Variants in GALK2 observed in about 807,000 individuals in gnomAD.
The protein encoded by GALK2 is N-acetylgalactosamine kinase.
A neutral mutation model predicts 52.4 loss-of-function variants in GALK2; 36 were observed. The observed-to-expected ratio is 0.69, with a 90% CI of 0.53 to 0.91. The LOEUF (loss-of-function observed/expected upper bound fraction) is 0.91, where lower values mean the gene tolerates loss of function less well. GALK2 is among the 40% of genes least tolerant of loss of function. The pLI is 0.00. For synonymous variants in GALK2, 176 were observed against 199.1 expected (o/e 0.88, Z 0.98); for missense variants, 579 against 559.1 (o/e 1.04, Z -0.36).
intron 5 of GALK2, among the ~76,000 whole-genome samples, chr15:49,258,438 T>A (rs1566985919): frequency 6.6e-6 from 1 of 152,066 alleles, no homozygotes; most frequent in East Asian, 1.9e-4. Context: ...GAATGGTGGA[T>A]ATAAAGATCC....
At position 49,300,692 on chromosome 15, in the gene GALK2, G is replaced by A. The variant is rs187209435; in HGVS notation, c.967+8155G>A. Among the ~76,000 whole-genome samples, 965 of 152,152 alleles carry A rather than the reference G, an allele frequency of 6.3e-3. 14 individuals carry two copies. Among genetic ancestry groups the A allele is most frequent in the African/African-American group, 0.022 (910 of 41,508 alleles). ...TGAGTGAGTTCTCTTGAGAACTGAT[G>A]GTTTTATAAGGGGCTTTTCCAACCT... On this transcript the variant is annotated intron_variant, in intron 8 of 9. Coordinates refer to ENST00000560031, the MANE Select transcript of GALK2 (RefSeq NM_002044.4).
chr15:49,286,556 T>C (rs968989501), intron 7 of GALK2, among the ~76,000 whole-genome samples: 3 of 152,194 alleles, frequency 2.0e-5, no homozygotes, highest in African/African-American at 7.2e-5. Context: ...TTGGGGGGCA[T>C]ACATTTTTTG....
chr15:49,283,287 T>C (rs76169125), intron 6 of GALK2, among the ~76,000 whole-genome samples: 3,852 of 152,292 alleles, frequency 0.025, 90 homozygotes, highest in African/African-American at 0.051. Flanking sequence ...CCATATAGCA[T>C]CTGTGCTTTG....
At chr15:49,335,499 G>A (rs117364220), downstream of GALK2, 46 of 1,609,478 alleles carry the variant, frequency 2.9e-5, no homozygotes, top group African/African-American at 4.0e-5. Context: ...CAGGTAGTGT[G>A]CTAGGCTTAT....
chr15:49,180,897 A>G (rs1008579239), intron 1 of GALK2, among the ~76,000 whole-genome samples: 5 of 152,064 alleles, frequency 3.3e-5, no homozygotes, highest in Admixed American at 2.6e-4. Flanking sequence ...ATATTCTGTC[A>G]TAGCAGGGAC....
At chr15:49,245,781 C>T (rs763486503) in intron 5 of GALK2, among the ~76,000 whole-genome samples, 1 of 152,096 alleles carries the variant, frequency 6.6e-6, no homozygotes, top group Non-Finnish European at 1.5e-5. Context: ...AACTCAAAAC[C>T]TCTAACTAAT....
At chr15:49,351,161 A>G (rs753368433) in intron 3 of GALK2, among the ~76,000 whole-genome samples, 1 of 152,202 alleles carries the variant, frequency 6.6e-6, no homozygotes, top group Non-Finnish European at 1.5e-5. Flanking sequence ...GAATTCAGGT[A>G]GTAGAGAAAT....
chr15:49,297,842 G>A (rs552304465), intron 8 of GALK2, among the ~76,000 whole-genome samples: 14 of 152,286 alleles, frequency 9.2e-5, no homozygotes, highest in African/African-American at 3.1e-4. Flanking sequence ...ATAGTTTAAA[G>A]TTGGGTGGTA....
At chr15:49,324,524 C>A (rs561624586) in intron 9 of GALK2, among the ~76,000 whole-genome samples, 6 of 152,044 alleles carry the variant, frequency 3.9e-5, no homozygotes, top group South Asian at 2.1e-4. Flanking sequence ...TCTTCAATGG[C>A]CTTTAAGTGG....
intron 3 of GALK2, chr15:49,225,254 A>G (rs1251276974): frequency 2.2e-6 from 1 of 455,976 alleles, no homozygotes; most frequent in Non-Finnish European, 4.4e-6. Flanking sequence ...ACCTGCAGAT[A>G]GGCCACACCA....
At chr15:49,351,148 T>C (rs2042189115) in intron 3 of GALK2, among the ~76,000 whole-genome samples, 1 of 152,300 alleles carries the variant, frequency 6.6e-6, no homozygotes, top group South Asian at 2.1e-4. Context: ...TTTGCACTTA[T>C]TTGAATTCAG....
At chr15:49,260,463 T>C (rs1376121204) in intron 5 of GALK2, among the ~76,000 whole-genome samples, 1 of 147,684 alleles carries the variant, frequency 6.8e-6, no homozygotes, top group Non-Finnish European at 1.5e-5. Context: ...ATTCTGGATA[T>C]TAGCCCTTTG....
chr15:49,185,782 G>A (rs903890842), intron 1 of GALK2: 2 of 152,176 alleles, frequency 1.3e-5, no homozygotes, highest in Non-Finnish European at 2.9e-5. Context: ...AGCGTTTCTT[G>A]TAGGATATGT....
chr15:49,229,029 C>A (rs1483441412), intron 3 of GALK2, among the ~76,000 whole-genome samples: 1 of 152,008 alleles, frequency 6.6e-6, no homozygotes, highest in African/African-American at 2.4e-5. Flanking sequence ...ACTTTGAATT[C>A]TATTTCTGGA....
At chr15:49,318,873 TC>T in intron 8 of GALK2, 1 of 438,606 alleles carries the variant, frequency 2.3e-6, no homozygotes, top group South Asian at 1.6e-5. Context: ...AGCCTCCTTC[TC>T]TTTTCTGTTA....
At chr15:49,277,045 C>G (rs1431929549) in intron 5 of GALK2, among the ~76,000 whole-genome samples, 1 of 143,470 alleles carries the variant, frequency 7.0e-6, no homozygotes. Context: ...GCAATCTCGG[C>G]TCACTGCAAG....
intron 1 of GALK2, among the ~76,000 whole-genome samples, chr15:49,200,352 A>G (rs1180325469): frequency 6.6e-6 from 1 of 152,200 alleles, no homozygotes; most frequent in Non-Finnish European, 1.5e-5. Context: ...ATTTGACTAC[A>G]TGTTCTGAGT....
At chr15:49,172,101 C>T (rs2580923) in intron 1 of GALK2, among the ~76,000 whole-genome samples, 101,634 of 152,054 alleles carry the variant, frequency 0.67, 34,670 homozygotes, top group African/African-American at 0.77. Flanking sequence ...ATAAAACATA[C>T]CCATGTGTAA....
At chr15:49,348,179 A>G (rs1252681189) in intron 3 of GALK2, among the ~76,000 whole-genome samples, 1 of 152,176 alleles carries the variant, frequency 6.6e-6, no homozygotes, top group East Asian at 1.9e-4. Flanking sequence ...CATTTTTATA[A>G]TTTATGTCCT....
Sources: allele counts gnomAD v4.1 joint callset (sites outside exome capture counted in the v4.1 genomes callset), GRCh38; gene constraint gnomAD v4.1.1; transcripts MANE v1.5; gene names NCBI Gene and HGNC (gene_info 2026-07-23, HGNC 2026-07-21).